Variants in TMEM101 observed in about 807,000 individuals in gnomAD.
The protein encoded by TMEM101 is transmembrane protein 101, also known as putative NF-kappa-B-activating protein 130.
TMEM101 carries 14 observed loss-of-function variants against 26.0 expected under a neutral mutation model. The ratio of observed to expected loss-of-function variants is 0.54; its 90% CI spans 0.36 to 0.84. The LOEUF (loss-of-function observed/expected upper bound fraction) is 0.84, where lower values mean the gene tolerates loss of function less well. Ranked by LOEUF, TMEM101 falls within the 40% of genes least tolerant of loss-of-function variation. The probability of loss-of-function intolerance (pLI) is 0.01; values close to 1 mark genes in which losing one functional copy is unlikely to be tolerated. For synonymous variants in TMEM101, 152 were observed against 145.1 expected, an observed-to-expected ratio of 1.05 and a Z score of -0.34; for missense variants, 292 against 345.1, an observed-to-expected ratio of 0.85 and a Z score of 1.22.
chr17:44,019,308 C>A (rs1204555863), upstream of TMEM101: 6 of 422,082 alleles, frequency 1.4e-5, no homozygotes, highest in African/African-American at 1.2e-4. Flanking sequence ...TCGGACACTG[C>A]ACTCACCAGA....
At chr17:44,014,325 A>C (rs1296646773) in intron 2 of TMEM101, 32 bp downstream of exon 2, 2 of 1,535,998 alleles carry the variant, frequency 1.3e-6, no homozygotes, top group Non-Finnish European at 1.8e-6. Flanking sequence ...CGTCACCCAG[A>C]GGGAAGACCC....
Position 44,014,398 on chromosome 17 carries a change from C to A in TMEM101, c.277G>T (p.Ala93Ser). Residue 93 changes from alanine to serine, a missense_variant, in exon 2 of 4, where the codon GCC becomes TCC. This residue lies in a region of TMEM101 where 143 missense variants were observed against 133.2 expected (regional missense o/e 1.07). Transcript: ENST00000206380. ...TAGTGGACGTAGCCCCCGATGTAGG[C>A]GGCGTAGGTGCTAATGGCCAATTGG... ...ALQLAISTYA[A>S]YIGGYVHYGD... 2 of 1,554,860 alleles carry A rather than the reference C, an allele frequency of 1.3e-6. No individual in the cohort carries two copies. Among genetic ancestry groups the A allele is most frequent in the South Asian group, 2.4e-5 (2 of 84,402 alleles).
intron 3 of TMEM101, 39 bp downstream of exon 3, chr17:44,012,970 C>T (rs1240630325): frequency 6.6e-7 from 1 of 1,515,514 alleles, no homozygotes; most frequent in East Asian, 2.3e-5. Flanking sequence ...ACAGTTCACT[C>T]CCAGCCAGGC....
chr17:44,014,897 C>G lies in TMEM101; in HGVS notation c.56G>C (p.Gly19Ala). The change falls in exon 1 of 4, where the codon GGT (glycine) becomes GCT (alanine). Residue 19 changes from glycine (G) to alanine (A), a missense_variant. Transcript: ENST00000206380. ...RWMLQLIMQL[G>A]SVLLTRCPFW... ...GGGGCAGCGTGTGAGCAGCACCGAA[C>G]CCAACTGCATGATCAGCTGCAACAT... The G allele has an allele frequency of 6.2e-7, 1 of 1,614,100 alleles. No individual in the cohort carries two copies.
chr17:44,014,770 C>A, intron 1 of TMEM101, 46 bp downstream of exon 1: 2 of 1,524,228 alleles, frequency 1.3e-6, no homozygotes, highest in South Asian at 1.3e-5. Context: ...TTCTTGCCCA[C>A]ATCACCGCCC....
At chr17:44,015,108 G>C, upstream of TMEM101, 1 of 1,010,332 alleles carries the variant, frequency 9.9e-7, no homozygotes, top group Non-Finnish European at 1.4e-6. Flanking sequence ...CAGTTGCGAA[G>C]TCCAGCCTTC....
At chr17:44,021,024 G>C (rs544111391) in intron 2 of TMEM101, among the ~76,000 whole-genome samples, 2 of 152,290 alleles carry the variant, frequency 1.3e-5, no homozygotes, top group Admixed American at 1.3e-4. Flanking sequence ...AAATTGTACT[G>C]TGCCTTCATA....
At position 44,021,944 on chromosome 17, in the gene TMEM101, A is replaced by T. The variant is rs556015803; in HGVS notation, c.-323-509T>A. ...TCCAATTAGCATGTTGATTTAGGAC[A>T]GTTACTTGCAGTTCTACTGGGCCAT... On this transcript the variant is annotated intron_variant, in intron 1 of 4. Coordinates refer to the TMEM101 transcript ENST00000585950. Among the ~76,000 whole-genome samples the T allele has an allele frequency of 2.0e-5, 3 of 152,324 alleles. No individual in the cohort carries two copies. In the South Asian group the frequency reaches 6.2e-4, roughly 32 times the overall value.
At position 44,012,198 on chromosome 17, in the gene TMEM101, C is replaced by G. The variant is rs376280871; in HGVS notation, c.504G>C (p.Ala168=). 3.1e-6 allele frequency: 5 copies of G among 1,613,998 alleles called. No individual in the cohort carries two copies. In the South Asian group the frequency reaches 4.4e-5, roughly 14 times the overall value. ...CCCCTCCTGGGAGATGGTTCAGATA[C>G]GCCAGCCGGTCCTCCTTGCTGTGCT... ...SLQHSKEDRL[A]YLNHLPGGEL... is the part of the protein sequence containing the mutation. Residue 168 remains alanine (A), a synonymous_variant, in exon 4 of 4, where the codon GCG becomes GCC. Coordinates refer to ENST00000206380, the MANE Select transcript of TMEM101 (RefSeq NM_032376.4).
intron 2 of TMEM101, among the ~76,000 whole-genome samples, chr17:44,020,099 G>A (rs1017826257): frequency 1.3e-5 from 2 of 152,176 alleles, no homozygotes; most frequent in Non-Finnish European, 2.9e-5. Context: ...ACCGGTGGCA[G>A]GGGAGAATAC....
upstream of TMEM101, among the ~76,000 whole-genome samples, chr17:44,019,947 C>T (rs1432551218): frequency 2.0e-5 from 3 of 152,146 alleles, no homozygotes; most frequent in African/African-American, 7.2e-5. Context: ...GTAAGCAAAC[C>T]TAATGCCATT....
At chr17:44,016,127 A>ACG (rs1567947991), upstream of TMEM101, among the ~76,000 whole-genome samples, 1 of 127,180 alleles carries the variant, frequency 7.9e-6, no homozygotes, top group Admixed American at 7.3e-5. Flanking sequence ...ATACACACGC[A>ACG]CACACACACA....
At chr17:44,020,582 C>T (rs995192436) in intron 2 of TMEM101, among the ~76,000 whole-genome samples, 6 of 152,096 alleles carry the variant, frequency 3.9e-5, no homozygotes, top group African/African-American at 7.2e-5. Context: ...ATTAGCCAGG[C>T]GTGGCGACAT....
chr17:44,019,281 C>G (rs1411664056), upstream of TMEM101: 3 of 414,112 alleles, frequency 7.2e-6, no homozygotes, highest in Non-Finnish European at 1.4e-5. Context: ...GCAACAGCAA[C>G]AGCCTGGGCT....
rs1597869381 is a variant in TMEM101, at chr17:44,012,441, C to T, written c.466-205G>A. 9 of 582,720 alleles carry T rather than the reference C, an allele frequency of 1.5e-5. No homozygotes were observed. The East Asian group carries it at 2.3e-4, about 15-fold the overall frequency. 36.1% of individuals were successfully genotyped at this position (582,720 alleles called of 1,614,324 possible). Reference sequence around the variant, plus strand: ...AGATTAGGGCCCATGTCTCCCCTCACCCTAGGGGCTATGAAGGAAGTGTAT... The same window carrying T: ...AGATTAGGGCCCATGTCTCCCCTCATCCTAGGGGCTATGAAGGAAGTGTAT... On this transcript the variant is annotated intron_variant, in intron 3 of 3. Transcript: ENST00000206380.
intron 1 of TMEM101, among the ~76,000 whole-genome samples, chr17:44,021,804 G>GC (rs753556943): frequency 6.6e-6 from 1 of 152,182 alleles, no homozygotes; most frequent in Non-Finnish European, 1.5e-5. Context: ...TTCCAGCAAA[G>GC]CCCAACAGCA....
chr17:44,013,151 C>G lies in TMEM101; in HGVS notation c.323G>C (p.Arg108Pro). ...YVHYGDWLKV[R>P]MYSRTVAIIG... ...GATGGCAACTGTGCGCGAGTACATA[C>G]GGACCTAGGCCGGGGTAAGGGGACC... Residue 108 changes from arginine (R) to proline (P), a missense_variant, in exon 3 of 4, where the codon CGT becomes CCT. This residue lies in a region of TMEM101 where 149 missense variants were observed against 211.9 expected (regional missense o/e 0.70). Coordinates refer to ENST00000206380, the MANE Select transcript of TMEM101 (RefSeq NM_032376.4). The G allele has an allele frequency of 6.4e-7, 1 of 1,570,642 alleles. No homozygotes were observed. Among genetic ancestry groups the G allele is most frequent in the Non-Finnish European group, 8.7e-7 (1 of 1,150,482 alleles).
upstream of TMEM101, among the ~76,000 whole-genome samples, chr17:44,015,385 CTTTTT>C (rs11354004): frequency 2.0e-5 from 3 of 150,388 alleles, no homozygotes; most frequent in African/African-American, 4.9e-5. Flanking sequence ...CTTTTTTTTT[CTTTTT>C]TTTTTGTTTT....
At position 44,011,779 on chromosome 17, in the gene TMEM101, CTCT is replaced by C; in HGVS notation, c.*146_*148del. ...CCAGAAATTTGGACAAATGAGCTGC[CTCT>C]TAACTGCAAAAAACAATTTTAAAAA... On this transcript the variant is annotated 3_prime_UTR_variant, in exon 4 of 4. Transcript: ENST00000206380. The C allele has an allele frequency of 2.3e-6, 2 of 862,548 alleles. No homozygotes were observed. Among genetic ancestry groups the C allele is most frequent in the Non-Finnish European group, 3.5e-6 (2 of 576,346 alleles). The allele number at this position is 862,548 out of a possible 1,614,324, so 53.4% of individuals were successfully genotyped here.
Sources: gnomAD v4.1 joint callset for allele counts (sites outside exome capture counted in the v4.1 genomes callset) on GRCh38, gnomAD v4.1.1 for gene constraint, gnomAD v4.1.1 regional missense constraint, MANE v1.5 for transcripts, NCBI Gene and HGNC (gene_info 2026-07-23, HGNC 2026-07-21) for gene names.